Variants in MARVELD2 observed in about 807,000 individuals in gnomAD.
MARVELD2 encodes MARVEL domain containing 2.
Under a neutral mutation model 57.6 loss-of-function variants are expected in MARVELD2, and 49 were observed. The observed-to-expected ratio is 0.85, with a 90% CI of 0.68 to 1.08. MARVELD2 has a LOEUF of 1.08. Among genes scored for constraint, MARVELD2 ranks in the 50% least tolerant of loss-of-function variants. The pLI is 0.00. For synonymous variants in MARVELD2, 238 were observed against 258.8 expected, an observed-to-expected ratio of 0.92 and a Z score of 0.77; for missense variants, 606 against 701.1, an observed-to-expected ratio of 0.86 and a Z score of 1.53.
Position 69,420,273 on chromosome 5 carries a change from T to C in MARVELD2, c.888T>C (p.Ile296=). ...SNWWPLTEFG[I]NVALFILYMA... ...GGTGGCCCCTAACTGAATTTGGAAT[T>C]AACGTTGCCTTGTTTATTTTGTATA... The change falls in exon 2 of 7, where the codon ATT becomes ATC. Residue 296 remains isoleucine, a synonymous_variant. Transcript: ENST00000325631. 1 of 1,614,188 alleles carries C rather than the reference T, an allele frequency of 6.2e-7. No homozygotes were observed. The highest frequency in any genetic ancestry group is 8.5e-7 in the Non-Finnish European group (1 of 1,180,018).
intron 1 of MARVELD2, chr5:69,415,758 C>T (rs568670430): frequency 9.2e-5 from 14 of 152,352 alleles, no homozygotes; most frequent in African/African-American, 3.4e-4. Context: ...TAAAGGTGAC[C>T]AGGCATGATT....
Position 69,442,781 on chromosome 5 carries a change from T to A in MARVELD2, c.*1127T>A, listed in dbSNP as rs2150936312. The A allele has an allele frequency of 6.6e-6, 1 of 151,764 alleles. No individual in the cohort carries two copies. Among genetic ancestry groups the A allele is most frequent in the South Asian group, 2.1e-4 (1 of 4,796 alleles). 9.4% of individuals were successfully genotyped at this position (151,764 alleles called of 1,614,324 possible). ...GACTGTACATCTCTCCATCTCCCCA[T>A]AGTCCAGCCTGCCCTGGACACATTG... On this transcript the variant is annotated 3_prime_UTR_variant, in exon 7 of 7. Transcript: ENST00000325631.
intron 5 of MARVELD2, among the ~76,000 whole-genome samples, chr5:69,436,402 A>AACACACACACACACACACAC (rs66984523): frequency 9.7e-5 from 12 of 123,902 alleles, no homozygotes; most frequent in Admixed American, 6.2e-4. Context: ...TATGTATGGG[A>AACACACACACACACACACAC]ACACACACAC....
intron 3 of MARVELD2, among the ~76,000 whole-genome samples, chr5:69,432,249 G>A (rs1766986689): frequency 6.6e-6 from 1 of 152,082 alleles, no homozygotes; most frequent in South Asian, 2.1e-4. Context: ...GATCTCAAGT[G>A]GTCAGCCCAC....
At chr5:69,422,918 A>G (rs553643937) in intron 2 of MARVELD2, among the ~76,000 whole-genome samples, 27 of 152,294 alleles carry the variant, frequency 1.8e-4, no homozygotes, top group Non-Finnish European at 3.7e-4. Context: ...ATCGGGGATG[A>G]ATTTCCCCCA....
At chr5:69,426,775 T>C (rs534404010) in intron 3 of MARVELD2, among the ~76,000 whole-genome samples, 220 of 152,228 alleles carry the variant, frequency 1.4e-3, no homozygotes, top group Non-Finnish European at 2.2e-3. Context: ...GCTCAAACAA[T>C]CCTCCCACCT....
chr5:69,441,668 C>G lies in MARVELD2; in HGVS notation c.*14C>G. 6.6e-7 allele frequency: 1 copy of G among 1,521,462 alleles called. No individual in the cohort carries two copies. Among genetic ancestry groups the G allele is most frequent in the East Asian group, 2.3e-5 (1 of 44,064 alleles). 94.2% of individuals were successfully genotyped at this position (1,521,462 alleles called of 1,614,324 possible). Reference sequence around the variant, plus strand: ...GGTTATTCTTAACGCTTATTTGAAACCACTTTATTTTTTTATTTTATTTTA... The same window carrying G: ...GGTTATTCTTAACGCTTATTTGAAAGCACTTTATTTTTTTATTTTATTTTA... On this transcript the variant is annotated 3_prime_UTR_variant, in exon 7 of 7. Transcript: ENST00000325631.
At chr5:69,421,605 G>A in intron 2 of MARVELD2, among the ~76,000 whole-genome samples, 1 of 151,900 alleles carries the variant, frequency 6.6e-6, no homozygotes, top group Admixed American at 6.6e-5. Flanking sequence ...GCAACAAATA[G>A]CGCTTTGGTT....
At chr5:69,430,251 C>A (rs541956318) in intron 3 of MARVELD2, among the ~76,000 whole-genome samples, 28 of 152,076 alleles carry the variant, frequency 1.8e-4, no homozygotes, top group Non-Finnish European at 3.7e-4. Flanking sequence ...ACCTGTAGTC[C>A]CAGCTATTCA....
At position 69,420,102 on chromosome 5, in the gene MARVELD2, G is replaced by C. The variant is rs757140559; in HGVS notation, c.717G>C (p.Leu239Phe). ...ATGGCATGGGAGGCGTTGGTGGATT[G>C]GGCAGTATGTATGGGGGCTATTACT... ...QPYGMGGVGG[L>F]GSMYGGYYYT... The change falls in exon 2 of 7, where the codon TTG becomes TTC. Residue 239 changes from leucine to phenylalanine, a missense_variant. Physicochemically the swap from Leu to Phe is conservative, Grantham distance 22 (BLOSUM62 0). Coordinates refer to ENST00000325631, the MANE Select transcript of MARVELD2 (RefSeq NM_001038603.3). 6.2e-7 allele frequency: 1 copy of C among 1,614,084 alleles called. No homozygotes were observed. Among genetic ancestry groups the C allele is most frequent in the Non-Finnish European group, 8.5e-7 (1 of 1,180,016 alleles).
intron 3 of MARVELD2, among the ~76,000 whole-genome samples, chr5:69,425,800 C>A (rs1185734646): frequency 6.6e-6 from 1 of 150,864 alleles, no homozygotes; most frequent in Non-Finnish European, 1.5e-5. Context: ...GCTATCTCGG[C>A]TCACTGCAAG....
At position 69,432,910 on chromosome 5, in the gene MARVELD2, T is replaced by G. The variant is rs780590367; in HGVS notation, c.1332-12T>G. 1.9e-6 allele frequency: 3 copies of G among 1,614,166 alleles called. No individual in the cohort carries two copies. Among genetic ancestry groups the G allele is most frequent in the South Asian group, 2.2e-5 (2 of 91,090 alleles). ...GAAACAATTATATCTTTGGCTTATG[T>G]TTTTCCCCTAGAAAATACCCTGTGA... On this transcript the variant is annotated splice_polypyrimidine_tract_variant and intron_variant, in intron 4 of 6. Transcript: ENST00000325631.
intron 5 of MARVELD2, among the ~76,000 whole-genome samples, chr5:69,436,448 CACACATAT>C (rs773818615): frequency 1.8e-3 from 244 of 138,112 alleles, no homozygotes; most frequent in African/African-American, 6.3e-3. Flanking sequence ...CACACACACA[CACACATAT>C]ATATAAATTT....
At chr5:69,431,119 T>TC (rs1421999466) in intron 3 of MARVELD2, among the ~76,000 whole-genome samples, 1 of 142,668 alleles carries the variant, frequency 7.0e-6, no homozygotes, top group Non-Finnish European at 1.5e-5. Flanking sequence ...TTTCTTTTCT[T>TC]TTTTTTTTTT....
chr5:69,443,999 A>C lies in MARVELD2; in HGVS notation c.*2345A>C, dbSNP rs890838755. 1.3e-5 allele frequency: 2 copies of C among 150,960 alleles called. No individual in the cohort carries two copies. Among genetic ancestry groups the C allele is most frequent in the South Asian group, 2.1e-4 (1 of 4,742 alleles). 9.4% of individuals were successfully genotyped at this position (150,960 alleles called of 1,614,324 possible). The stretch of plus-strand genomic sequence containing the variant: ...TGTTAACATTTCACTTAAGAAGAGC[A>C]CCAGTGCTTTAAAAAAAAAAAAAGG... On this transcript the variant is annotated 3_prime_UTR_variant, in exon 7 of 7. Coordinates refer to ENST00000325631, the MANE Select transcript of MARVELD2 (RefSeq NM_001038603.3).
intron 5 of MARVELD2, 86 bp from the exon 6 acceptor site, chr5:69,440,364 T>G: frequency 2.9e-6 from 2 of 697,706 alleles, no homozygotes; most frequent in Non-Finnish European, 5.1e-6. Context: ...AAAAATTATT[T>G]TTTGTTCTAA....
chr5:69,418,235 G>A (rs1302444178), intron 1 of MARVELD2, among the ~76,000 whole-genome samples: 1 of 152,146 alleles, frequency 6.6e-6, no homozygotes, highest in Non-Finnish European at 1.5e-5. Context: ...TCTTGGCAGG[G>A]TGTGAATGAA....
At chr5:69,441,012 A>C (rs535608437) in intron 6 of MARVELD2, among the ~76,000 whole-genome samples, 4 of 152,240 alleles carry the variant, frequency 2.6e-5, no homozygotes, top group African/African-American at 9.6e-5. Context: ...TGTGCCTGGG[A>C]GGCAGAGGTT....
intron 3 of MARVELD2, among the ~76,000 whole-genome samples, chr5:69,429,256 G>A (rs1055297052): frequency 6.6e-6 from 1 of 152,102 alleles, no homozygotes; most frequent in African/African-American, 2.4e-5. Context: ...TCTAAAGGGT[G>A]TGCTATTTGG....
Sources: gnomAD v4.1 joint callset for allele counts (sites outside exome capture counted in the v4.1 genomes callset) on GRCh38, gnomAD v4.1.1 for gene constraint, MANE v1.5 for transcripts, NCBI Gene and HGNC (gene_info 2026-07-23, HGNC 2026-07-21) for gene names.